Variants in ST3GAL2 observed in about 807,000 individuals in gnomAD.
ST3GAL2 encodes ST3 beta-galactoside alpha-2,3-sialyltransferase 2.
A neutral mutation model predicts 37.5 loss-of-function variants in ST3GAL2; 16 were observed. The ratio of observed to expected loss-of-function variants is 0.43; its 90% CI spans 0.29 to 0.65. The LOEUF (loss-of-function observed/expected upper bound fraction) is 0.65, where lower values mean the gene tolerates loss of function less well. Among genes scored for constraint, ST3GAL2 ranks in the 30% least tolerant of loss-of-function variants. The pLI is 0.17. For synonymous variants in ST3GAL2, 238 were observed against 202.9 expected, an observed-to-expected ratio of 1.17 and a Z score of -1.47; for missense variants, 383 against 487.8, an observed-to-expected ratio of 0.79 and a Z score of 2.02.
chr16:70,398,117 C>G, intron 2 of ST3GAL2, 75 bp downstream of exon 2: 2 of 1,505,102 alleles, frequency 1.3e-6, no homozygotes, highest in Non-Finnish European at 1.8e-6. Context: ...CTCTGGGGGC[C>G]AGAAATCCAA....
At chr16:70,424,868 ATC>A (rs1218824380) in intron 1 of ST3GAL2, among the ~76,000 whole-genome samples, 1 of 152,124 alleles carries the variant, frequency 6.6e-6, no homozygotes, top group Non-Finnish European at 1.5e-5. Flanking sequence ...TCGTCTCAGC[ATC>A]TCTTTTCAAG....
At chr16:70,434,050 A>G (rs189085665) in intron 1 of ST3GAL2, among the ~76,000 whole-genome samples, 1 of 152,114 alleles carries the variant, frequency 6.6e-6, no homozygotes, top group East Asian at 1.9e-4. Context: ...TCCACTGTAG[A>G]TCTATTGGTG....
At position 70,383,213 on chromosome 16, in the gene ST3GAL2, A is replaced by C; in HGVS notation, c.736T>G (p.Phe246Val). 1.2e-6 allele frequency: 2 copies of C among 1,609,736 alleles called. No individual in the cohort carries two copies. Among genetic ancestry groups the C allele is most frequent in the South Asian group, 2.2e-5 (2 of 90,758 alleles). The change falls in exon 5 of 7, where the codon TTC (phenylalanine) becomes GTC (valine). Residue 246 changes from phenylalanine (F) to valine (V), a missense_variant. Transcript: ENST00000342907. ...ACCTTTTCTTTATCCACTCGAAGGAAGGACTTCACTGGGGCGTAGGTGCTG... is the reference window on the plus strand; with the variant it reads ...ACCTTTTCTTTATCCACTCGAAGGACGGACTTCACTGGGGCGTAGGTGCTG... ...IRFTYAPVKS[F>V]LRVDKEKVQI...
chr16:70,432,507 C>T (rs530458058), intron 1 of ST3GAL2, among the ~76,000 whole-genome samples: 3 of 151,966 alleles, frequency 2.0e-5, no homozygotes, highest in Non-Finnish European at 2.9e-5. Context: ...AACATGGAAG[C>T]CTGACAATAT....
At chr16:70,382,499 G>A (rs1416040929) in intron 6 of ST3GAL2, among the ~76,000 whole-genome samples, 2 of 152,042 alleles carry the variant, frequency 1.3e-5, no homozygotes, top group Non-Finnish European at 2.9e-5. Context: ...GGCCAGGCTG[G>A]TCTTGAACTC....
rs754217119 is a variant in ST3GAL2, at chr16:70,379,553, AGT to A, written c.*2134_*2135del. Reference sequence around the variant, plus strand: ...ATTCAGAAAGGGAAGGAAATAAAAAAGTGTGTTTAAATTACTATTGCAGAAAA... The same window carrying A: ...ATTCAGAAAGGGAAGGAAATAAAAAAGTGTTTAAATTACTATTGCAGAAAA... On this transcript the variant is annotated 3_prime_UTR_variant, in exon 7 of 7. Transcript: ENST00000342907. 1.3e-5 allele frequency: 2 copies of A among 152,204 alleles called. No homozygotes were observed. The highest frequency in any genetic ancestry group is 2.9e-5 in the Non-Finnish European group (2 of 68,036). The allele number at this position is 152,204 out of a possible 1,614,324, so 9.4% of individuals were successfully genotyped here. A position where few individuals can be genotyped will look rare whatever the true frequency, so the allele number is the denominator to read the frequency against.
intron 1 of ST3GAL2, among the ~76,000 whole-genome samples, chr16:70,402,398 A>C (rs2047562267): frequency 6.6e-6 from 1 of 152,208 alleles, no homozygotes; most frequent in Non-Finnish European, 1.5e-5. Context: ...ATGGCCAAAA[A>C]ACATTATATC....
Position 70,398,213 on chromosome 16 carries a change from C to G in ST3GAL2, c.318G>C (p.Pro106=), listed in dbSNP as rs375363834. ...TTACCATCCACCACCTCTGGACGTCCGGTGGAAGATCCATGTTCTCTCGGG... is the reference window on the plus strand; with the variant it reads ...TTACCATCCACCACCTCTGGACGTCGGGTGGAAGATCCATGTTCTCTCGGG... ...VWTRENMDLP[P]DVQRWWMMLQ... The change falls in exon 2 of 7, where the codon CCG becomes CCC. Residue 106 remains proline, a synonymous_variant. Transcript: ENST00000342907. 51 of 1,613,008 alleles carry G rather than the reference C, an allele frequency of 3.2e-5. No individual in the cohort carries two copies. Among genetic ancestry groups the G allele is most frequent in the Middle Eastern group, 3.3e-4 (2 of 6,080 alleles).
rs1033528284 is a variant in ST3GAL2, at chr16:70,376,806, A to G, written c.*4883T>C. On this transcript the variant is annotated 3_prime_UTR_variant, in exon 7 of 7. Coordinates refer to ENST00000342907, the MANE Select transcript of ST3GAL2 (RefSeq NM_006927.4). ...CGCTCAGGCTGGAGTGCAGTGGCTCAATCTCGGCTCACCACAACTTCCACC... is the reference window on the plus strand; with the variant it reads ...CGCTCAGGCTGGAGTGCAGTGGCTCGATCTCGGCTCACCACAACTTCCACC... 1 of 151,522 alleles carries G rather than the reference A, an allele frequency of 6.6e-6. No homozygotes were observed. The highest frequency in any genetic ancestry group is 2.4e-5 in the African/African-American group (1 of 41,206). 9.4% of individuals were successfully genotyped at this position (151,522 alleles called of 1,614,324 possible).
chr16:70,401,538 AG>A (rs1256608323), intron 1 of ST3GAL2, among the ~76,000 whole-genome samples: 1 of 152,100 alleles, frequency 6.6e-6, no homozygotes, highest in Non-Finnish European at 1.5e-5. Context: ...AAAAAATCAA[AG>A]GCCCCCAAAC....
intron 1 of ST3GAL2, among the ~76,000 whole-genome samples, chr16:70,403,112 G>A (rs1049827189): frequency 2.6e-5 from 4 of 151,388 alleles, no homozygotes; most frequent in African/African-American, 9.8e-5. Flanking sequence ...AGGGAGACCA[G>A]AAAGGAACTG....
chr16:70,438,822 A>C (rs1389105492), intron 1 of ST3GAL2, 127 bp downstream of exon 1: 7 of 151,672 alleles, frequency 4.6e-5, no homozygotes, highest in Non-Finnish European at 8.8e-5. Flanking sequence ...GACCCGGGGG[A>C]AGTTGCCGGG....
rs2047848318 is a variant in ST3GAL2 at position 70,438,981 on chromosome 16, C to G, written c.-1036G>C. 1.3e-5 allele frequency: 2 copies of G among 156,856 alleles called. No individual in the cohort carries two copies. The highest frequency in any genetic ancestry group is 2.7e-5 in the Non-Finnish European group (2 of 73,646). The allele number at this position is 156,856 out of a possible 1,614,324, so 9.7% of individuals were successfully genotyped here. On this transcript the variant is annotated 5_prime_UTR_variant, in exon 1 of 7. Coordinates refer to ENST00000342907, the MANE Select transcript of ST3GAL2 (RefSeq NM_006927.4). ...AGCGCCCGGCGCCGCGCGGGCCATG[C>G]TCGCCGCTCCGGCCGCCGCCGCCGC... is the stretch of plus-strand genomic sequence containing the variant.
At chr16:70,416,853 G>A (rs541144325) in intron 1 of ST3GAL2, among the ~76,000 whole-genome samples, 1 of 152,116 alleles carries the variant, frequency 6.6e-6, no homozygotes. Context: ...GACAGTGGGA[G>A]TGTGCTACTC....
At position 70,436,616 on chromosome 16, in the gene ST3GAL2, C is replaced by A. The variant is rs1597580385; in HGVS notation, c.-1004+2333G>T. ...AGATTAAACCATAAAACTCTGGAGT[C>A]CCCTCACACACACACAATCTGTGCC... On this transcript the variant is annotated intron_variant, in intron 1 of 6. Transcript: ENST00000342907. 2.6e-5 allele frequency among the ~76,000 whole-genome samples: 4 copies of A among 151,970 alleles called. 1 individual carries two copies. Among genetic ancestry groups the A allele is most frequent in the Admixed American group, 2.6e-4 (4 of 15,266 alleles).
chr16:70,398,734 C>A lies in ST3GAL2; in HGVS notation c.-204G>T. 3.3e-6 allele frequency: 2 copies of A among 612,790 alleles called. No individual in the cohort carries two copies. Among genetic ancestry groups the A allele is most frequent in the South Asian group, 4.0e-5 (2 of 50,030 alleles). 38.0% of individuals were successfully genotyped at this position (612,790 alleles called of 1,614,324 possible). ...ACGTTGGCAGGAGTGGCTGTCCTGTCCCTGAGTCAGGCGGGGCCCCTGCTT... is the reference window on the plus strand; with the variant it reads ...ACGTTGGCAGGAGTGGCTGTCCTGTACCTGAGTCAGGCGGGGCCCCTGCTT... On this transcript the variant is annotated 5_prime_UTR_variant, in exon 2 of 7. Coordinates refer to ENST00000342907, the MANE Select transcript of ST3GAL2 (RefSeq NM_006927.4).
intron 1 of ST3GAL2, among the ~76,000 whole-genome samples, chr16:70,432,216 C>G (rs749484126): frequency 6.6e-6 from 1 of 152,010 alleles, no homozygotes; most frequent in Non-Finnish European, 1.5e-5. Context: ...CCCTTGTTCA[C>G]CTTATTGTAC....
chr16:70,389,716 G>T (rs892853071), intron 3 of ST3GAL2, among the ~76,000 whole-genome samples: 1 of 151,434 alleles, frequency 6.6e-6, no homozygotes, highest in African/African-American at 2.4e-5. Flanking sequence ...CGCCGGCCTC[G>T]GCCTCCCAAA....
At chr16:70,388,790 G>A (rs945518536) in intron 3 of ST3GAL2, among the ~76,000 whole-genome samples, 1 of 151,984 alleles carries the variant, frequency 6.6e-6, no homozygotes, top group African/African-American at 2.4e-5. Flanking sequence ...GGCCAGGTGT[G>A]GTGGCTCACA....
Sources: gnomAD v4.1 joint callset for allele counts (sites outside exome capture counted in the v4.1 genomes callset) on GRCh38, gnomAD v4.1.1 for gene constraint, MANE v1.5 for transcripts, NCBI Gene and HGNC (gene_info 2026-07-23, HGNC 2026-07-21) for gene names.